The following TCF3 variants were observed in gnomAD, a reference collection of about 807,000 sequenced individuals.
TCF3 encodes transcription factor 3.
A neutral mutation model predicts 72.3 loss-of-function variants in TCF3; 54 were observed. The observed-to-expected ratio is 0.75, with a 90% CI of 0.60 to 0.94. The LOEUF (loss-of-function observed/expected upper bound fraction) is 0.94, where lower values mean the gene tolerates loss of function less well. TCF3 is among the 40% of genes least tolerant of loss of function. TCF3 has a pLI of 0.00. For missense variants in TCF3, 1,078 were observed against 934.4 expected, an observed-to-expected ratio of 1.15 and a Z score of -2.00; for synonymous variants, 525 against 412.6, an observed-to-expected ratio of 1.27 and a Z score of -3.30.
rs938856885 is a variant in TCF3 at position 1,652,336 on chromosome 19, G to GGGC, written c.-79_-77dup. 4 of 143,640 alleles carry GGGC rather than the reference G, an allele frequency of 2.8e-5. No individual in the cohort carries two copies. Among genetic ancestry groups the GGGC allele is most frequent in the African/African-American group, 1.0e-4 (4 of 39,862 alleles). 8.9% of individuals were successfully genotyped at this position (143,640 alleles called of 1,614,324 possible). A position where few individuals can be genotyped will look rare whatever the true frequency, so the allele number is the denominator to read the frequency against. On this transcript the variant is annotated 5_prime_UTR_variant, in exon 1 of 19. Coordinates refer to ENST00000262965, the MANE Select transcript of TCF3 (RefSeq NM_003200.5). Reference sequence around the variant, plus strand: ...GGCCGGGCACGCGGCGCGTGGGGGGGGGCGGCGGCATGAAGCGGGGGGGCC... The same window carrying GGGC: ...GGCCGGGCACGCGGCGCGTGGGGGGGGGCGGCGGCGGCATGAAGCGGGGGGGCC...
chr19:1,632,950 C>G (rs1201679082), intron 3 of TCF3, among the ~76,000 whole-genome samples: 1 of 152,244 alleles, frequency 6.6e-6, no homozygotes, highest in Non-Finnish European at 1.5e-5. Flanking sequence ...CAGAGGCTCA[C>G]CCATCGGGCA....
At chr19:1,648,685 G>T (rs1360039647) in intron 2 of TCF3, among the ~76,000 whole-genome samples, 1 of 152,234 alleles carries the variant, frequency 6.6e-6, no homozygotes, top group Non-Finnish European at 1.5e-5. Context: ...AGGGTGGCCG[G>T]TGTTGTTTCA....
Position 1,614,460 on chromosome 19 carries a change from G to C in TCF3, c.1822+825C>G, listed in dbSNP as rs554694442. Among the ~76,000 whole-genome samples, 2 of 152,344 alleles carry C rather than the reference G, an allele frequency of 1.3e-5. No individual in the cohort carries two copies. The highest frequency in any genetic ancestry group is 4.8e-5 in the African/African-American group (2 of 41,574). ...CCACGGGAAGCAGAGGGACGGACGG[G>C]CGGGATGGAGGGGAGGGCGGAAGGC... is the stretch of plus-strand genomic sequence containing the variant. On this transcript the variant is annotated intron_variant, in intron 18 of 18. Coordinates refer to ENST00000262965, the MANE Select transcript of TCF3 (RefSeq NM_003200.5). The surrounding 1 kb of genome is among the most constrained non-coding windows in gnomAD (Gnocchi z 5.6).
intron 5 of TCF3, among the ~76,000 whole-genome samples, chr19:1,631,144 C>T (rs956134887): frequency 2.0e-5 from 3 of 152,232 alleles, no homozygotes; most frequent in Non-Finnish European, 4.4e-5. Flanking sequence ...TCAGTCCTCA[C>T]CGCCTCCCTC....
intron 3 of TCF3, among the ~76,000 whole-genome samples, chr19:1,637,369 G>A (rs1426386482): frequency 1.3e-5 from 2 of 151,934 alleles, no homozygotes; most frequent in South Asian, 2.1e-4. Flanking sequence ...TCCCCCAGAA[G>A]CAGGGGCGCC....
chr19:1,623,972 G>A lies in TCF3; in HGVS notation c.528C>T (p.Val176=), dbSNP rs964835759. ...TCACCGAGGATGGAAGACCCGGCGG[G>A]ACCTTCCGGACCTTCTTGGGCTGCG... ...LDTQPKKVRK[V]PPGLPSSVYP... The change falls in exon 8 of 19, where the codon GTC becomes GTT. Residue 176 remains valine (V), a synonymous_variant. Coordinates refer to ENST00000262965, the MANE Select transcript of TCF3 (RefSeq NM_003200.5). 3.1e-6 allele frequency: 5 copies of A among 1,613,476 alleles called. No individual in the cohort carries two copies. Among genetic ancestry groups the A allele is most frequent in the Non-Finnish European group, 3.4e-6 (4 of 1,179,972 alleles).
rs10674333 is a variant in TCF3, at chr19:1,639,751, GAAAAAAAAAAAA to G, written c.145+6592_145+6603del. On this transcript the variant is annotated intron_variant, in intron 3 of 18. Transcript: ENST00000262965. ...CAACCTGACCTGAAGAGGAAATTAG[GAAAAAAAAAAAA>G]AAAAAAAAAAAGGAACAAATGTCAG... is the stretch of plus-strand genomic sequence containing the variant. Among the ~76,000 whole-genome samples, 85 of 54,190 alleles carry G rather than the reference GAAAAAAAAAAAA, an allele frequency of 1.6e-3. 1 individual carries two copies. The highest frequency in any genetic ancestry group is 5.4e-3 in the African/African-American group (74 of 13,634). 35.6% of individuals were successfully genotyped at this position (54,190 alleles called of 152,430 possible). A position where few individuals can be genotyped will look rare whatever the true frequency, so the allele number is the denominator to read the frequency against.
At chr19:1,633,639 G>C (rs1015096608) in intron 3 of TCF3, among the ~76,000 whole-genome samples, 2 of 152,150 alleles carry the variant, frequency 1.3e-5, no homozygotes, top group African/African-American at 4.8e-5. Flanking sequence ...GCCTCATTTA[G>C]ATTTTGTTTT....
At chr19:1,632,550 A>C (rs948676500) in intron 3 of TCF3, 145 bp from the exon 4 acceptor site, 3 of 739,518 alleles carry the variant, frequency 4.1e-6, no homozygotes, top group African/African-American at 1.8e-5. Context: ...AGCCCGACTC[A>C]TGAGGACACC....
intron 2 of TCF3, among the ~76,000 whole-genome samples, chr19:1,649,386 G>A (rs930037444): frequency 6.6e-6 from 1 of 152,126 alleles, no homozygotes; most frequent in Non-Finnish European, 1.5e-5. Flanking sequence ...GTTCACGGAG[G>A]GTGGTCCGCT....
chr19:1,639,248 G>T lies in TCF3; in HGVS notation c.146-6843C>A, dbSNP rs553409753. ...TAGTAGAGATGGAGTTTCGCCCTGTGGGCCAGGCTGGTCTTGAACTCCTGA... is the reference window on the plus strand; with the variant it reads ...TAGTAGAGATGGAGTTTCGCCCTGTTGGCCAGGCTGGTCTTGAACTCCTGA... On this transcript the variant is annotated intron_variant, in intron 3 of 18. Transcript: ENST00000262965. Among the ~76,000 whole-genome samples the T allele has an allele frequency of 3.9e-5, 6 of 152,244 alleles. No homozygotes were observed. The East Asian group carries it at 1.2e-3, about 29-fold the overall frequency.
At position 1,615,823 on chromosome 19, in the gene TCF3, T is replaced by C. The variant is rs899345438; in HGVS notation, c.1451-2A>G. 1.3e-6 allele frequency: 2 copies of C among 1,552,646 alleles called. No individual in the cohort carries two copies. The highest frequency in any genetic ancestry group is 2.3e-5 in the East Asian group (1 of 44,206). ...CCGTGGCACCTGCTCGCCCTAGCCCTGCAACAGGCCTAGGGTCAGGGGCCT... is the reference window on the plus strand; with the variant it reads ...CCGTGGCACCTGCTCGCCCTAGCCCCGCAACAGGCCTAGGGTCAGGGGCCT... On this transcript the variant is annotated splice_acceptor_variant, in intron 16 of 18. Coordinates refer to ENST00000262965, the MANE Select transcript of TCF3 (RefSeq NM_003200.5). LOFTEE classifies it high-confidence loss of function. The surrounding 1 kb of genome is among the most constrained non-coding windows in gnomAD (Gnocchi z 7.3).
chr19:1,625,670 G>A lies in TCF3; in HGVS notation c.405C>T (p.Pro135=), dbSNP rs758536616. The change falls in exon 7 of 19, where the codon CCC becomes CCT. Residue 135 remains proline (P), a synonymous_variant. Transcript: ENST00000262965. The part of the protein sequence containing the change: ...FLSGELALNS[P]GPLSPSGMKG... Reference sequence around the variant, plus strand: ...TCATGCCCGAAGGGGACAGGGGCCCGGGGCTGTTGAGGGCCAGCTCGCCTG... The same window carrying A: ...TCATGCCCGAAGGGGACAGGGGCCCAGGGCTGTTGAGGGCCAGCTCGCCTG... The A allele has an allele frequency of 7.2e-6, 11 of 1,527,868 alleles. No individual in the cohort carries two copies. Among genetic ancestry groups the A allele is most frequent in the South Asian group, 2.5e-5 (2 of 80,604 alleles). The allele number at this position is 1,527,868 out of a possible 1,614,324, so 94.6% of individuals were successfully genotyped here.
chr19:1,650,314 G>C (rs779544964), intron 1 of TCF3, 27 bp from the exon 2 acceptor site: 1 of 1,475,908 alleles, frequency 6.8e-7, no homozygotes, highest in South Asian at 1.2e-5. Flanking sequence ...GGGACAGATG[G>C]ACAGGGAGAA....
intron 1 of TCF3, chr19:1,650,965 G>GA (rs112739589): frequency 0.014 from 2,668 of 194,312 alleles, no homozygotes; most frequent in East Asian, 0.023. Context: ...ATTCAGGAAA[G>GA]AAAAAAAAAA....
At chr19:1,651,319 G>C in intron 1 of TCF3, 1 of 228,942 alleles carries the variant, frequency 4.4e-6, no homozygotes, top group Non-Finnish European at 8.7e-6. Flanking sequence ...GAGGTCGAGG[G>C]AGACCCAACT....
intron 3 of TCF3, among the ~76,000 whole-genome samples, chr19:1,645,850 G>A (rs2145602881): frequency 6.6e-6 from 1 of 152,268 alleles, no homozygotes; most frequent in Non-Finnish European, 1.5e-5. Flanking sequence ...TCAGTCCTGG[G>A]CAAACCACAA....
At chr19:1,636,752 C>G (rs28546475) in intron 3 of TCF3, among the ~76,000 whole-genome samples, 1,673 of 152,176 alleles carry the variant, frequency 0.011, 32 homozygotes, top group African/African-American at 0.038. Context: ...AGGAGGATCC[C>G]GAGTGGGGGA....
chr19:1,624,539 C>G (rs971291602), intron 7 of TCF3, among the ~76,000 whole-genome samples: 1 of 152,242 alleles, frequency 6.6e-6, no homozygotes, highest in African/African-American at 2.4e-5. Context: ...AGCCAAGGCT[C>G]TGCTGAGAAG....
Sources: gnomAD v4.1 joint callset for allele counts (sites outside exome capture counted in the v4.1 genomes callset) on GRCh38, gnomAD v4.1.1 for gene constraint, Gnocchi (gnomAD v3.1) non-coding constraint, MANE v1.5 for transcripts, NCBI Gene and HGNC (gene_info 2026-07-23, HGNC 2026-07-21) for gene names.